PWWP3B: variants seen among roughly 807,000 people sequenced by gnomAD.
The protein encoded by PWWP3B is PWWP domain containing 3B.
A neutral mutation model predicts 15.7 loss-of-function variants in PWWP3B; 5 were observed. The observed-to-expected ratio is 0.32, with a 90% CI of 0.17 to 0.67. PWWP3B has a LOEUF of 0.67. PWWP3B is among the 30% of genes least tolerant of loss of function. The pLI is 0.74. For synonymous variants in PWWP3B, 203 were observed against 179.8 expected, an observed-to-expected ratio of 1.13 and a Z score of -1.03; for missense variants, 519 against 493.1, an observed-to-expected ratio of 1.05 and a Z score of -0.50.
intron 2 of PWWP3B, among the ~76,000 whole-genome samples, chrX:106,190,750 G>A: frequency 8.9e-6 from 1 of 111,911 alleles, no homozygotes; most frequent in Non-Finnish European, 1.9e-5. Context: ...TCCAGTTTCA[G>A]CTTTCTACAT....
At chrX:106,186,554 G>A (rs997059138) in intron 2 of PWWP3B, among the ~76,000 whole-genome samples, 4 of 111,352 alleles carry the variant, frequency 3.6e-5, no homozygotes, top group Admixed American at 1.9e-4. Context: ...TAGTCCCTTC[G>A]TGTTTGCCAA....
intron 2 of PWWP3B, among the ~76,000 whole-genome samples, chrX:106,200,285 C>T (rs1388895952): frequency 9.0e-6 from 1 of 111,154 alleles, no homozygotes; most frequent in Non-Finnish European, 1.9e-5. Context: ...CCTATTTGGC[C>T]ACGTGATGCC....
At chrX:106,184,916 TG>T (rs1221007949) in intron 2 of PWWP3B, among the ~76,000 whole-genome samples, 1 of 110,205 alleles carries the variant, frequency 9.1e-6, no homozygotes. Flanking sequence ...TCCTTCTGGG[TG>T]GGGGAGATTA....
chrX:106,193,060 G>A (rs1602854556), intron 2 of PWWP3B, among the ~76,000 whole-genome samples: 4 of 111,379 alleles, frequency 3.6e-5, no homozygotes, highest in African/African-American at 6.5e-5. Context: ...TATTAGGTCC[G>A]CTTGGTGCAG....
At chrX:106,176,140 CT>C (rs1186522422) in intron 2 of PWWP3B, among the ~76,000 whole-genome samples, 1 of 111,243 alleles carries the variant, frequency 9.0e-6, no homozygotes, top group African/African-American at 3.3e-5. Context: ...GTTGCCCAGG[CT>C]AGAGTGCAGT....
chrX:106,191,112 T>C (rs1922919524), intron 2 of PWWP3B, among the ~76,000 whole-genome samples: 1 of 109,378 alleles, frequency 9.1e-6, no homozygotes, highest in African/African-American at 3.3e-5. Context: ...GGGGATGGCA[T>C]TGAATCTATA....
At chrX:106,194,823 C>T (rs1363633267) in intron 2 of PWWP3B, among the ~76,000 whole-genome samples, 5 of 111,964 alleles carry the variant, frequency 4.5e-5, no homozygotes, top group Non-Finnish European at 7.5e-5. Flanking sequence ...CCCTGTTTGC[C>T]TGGGTATCAG....
intron 2 of PWWP3B, among the ~76,000 whole-genome samples, chrX:106,173,739 A>G (rs1418510078): frequency 4.5e-5 from 5 of 111,935 alleles, no homozygotes; most frequent in Admixed American, 9.5e-5. Flanking sequence ...AACTCTTTTT[A>G]TTATTGTATT....
At chrX:106,194,937 G>A (rs145196868) in intron 2 of PWWP3B, among the ~76,000 whole-genome samples, 1,426 of 111,538 alleles carry the variant, frequency 0.013, 20 homozygotes, top group African/African-American at 0.045. Context: ...CGTATGAGGT[G>A]TCAGTCTGCC....
intron 2 of PWWP3B, among the ~76,000 whole-genome samples, chrX:106,191,748 G>T (rs915900508): frequency 2.7e-5 from 3 of 111,451 alleles, no homozygotes; most frequent in Non-Finnish European, 3.8e-5. Flanking sequence ...TTTTTAGCAT[G>T]AAGGGTTGTT....
chrX:106,179,968 AC>A lies in PWWP3B; in HGVS notation c.-401+8832del, dbSNP rs1392796844. ...CAGCCATCTGCCTGACTCTCACGAA[AC>A]CCTTAAAAACAATCCTTTCCAATGG... On this transcript the variant is annotated intron_variant, in intron 2 of 3. Coordinates refer to ENST00000357175, the MANE Select transcript of PWWP3B (RefSeq NM_001171020.2). 1.1e-3 allele frequency among the ~76,000 whole-genome samples: 122 copies of A among 111,087 alleles called. 1 individual carries two copies. Among genetic ancestry groups the A allele is most frequent in the Non-Finnish European group, 4.0e-4 (21 of 53,023 alleles).
intron 2 of PWWP3B, among the ~76,000 whole-genome samples, chrX:106,186,521 A>G (rs1922519467): frequency 9.0e-6 from 1 of 111,070 alleles, no homozygotes; most frequent in Admixed American, 9.6e-5. Flanking sequence ...GTCCAATGGT[A>G]CTCACCGCTT....
At chrX:106,188,912 C>T (rs1366827996) in intron 2 of PWWP3B, among the ~76,000 whole-genome samples, 1 of 112,266 alleles carries the variant, frequency 8.9e-6, no homozygotes, top group East Asian at 2.8e-4. Flanking sequence ...TATCCAATTA[C>T]CAGTAGATTT....
intron 2 of PWWP3B, among the ~76,000 whole-genome samples, chrX:106,182,780 C>G (rs1350111721): frequency 3.6e-5 from 4 of 111,110 alleles, no homozygotes; most frequent in African/African-American, 1.3e-4. Context: ...TTTGCCATTA[C>G]AAAACCTGGA....
intron 2 of PWWP3B, among the ~76,000 whole-genome samples, chrX:106,203,184 A>T (rs886597767): frequency 2.7e-4 from 30 of 112,115 alleles, no homozygotes; most frequent in African/African-American, 8.4e-4. Flanking sequence ...ACTTCTAGAA[A>T]TACATATAGT....
intron 2 of PWWP3B, among the ~76,000 whole-genome samples, chrX:106,179,634 C>A (rs1922081877): frequency 8.9e-6 from 1 of 111,764 alleles, no homozygotes; most frequent in African/African-American, 3.3e-5. Context: ...AAGTGCCAAG[C>A]AGGGTAAGGG....
chrX:106,198,039 T>C, intron 2 of PWWP3B, among the ~76,000 whole-genome samples: 1 of 112,333 alleles, frequency 8.9e-6, no homozygotes, highest in Middle Eastern at 4.6e-3. Context: ...GACTTGCTTT[T>C]TATATAATGG....
intron 2 of PWWP3B, among the ~76,000 whole-genome samples, chrX:106,186,638 A>G (rs1922529039): frequency 9.0e-6 from 1 of 110,966 alleles, no homozygotes; most frequent in Admixed American, 9.5e-5. Flanking sequence ...ACGGGCCTTC[A>G]TGGTGAGTGT....
intron 2 of PWWP3B, among the ~76,000 whole-genome samples, chrX:106,182,554 C>A (rs1387377327): frequency 9.0e-6 from 1 of 111,478 alleles, no homozygotes; most frequent in African/African-American, 3.3e-5. Flanking sequence ...TTCATTTTCC[C>A]ATACTAATAG....
Sources: gnomAD v4.1 joint callset for allele counts (sites outside exome capture counted in the v4.1 genomes callset) on GRCh38, gnomAD v4.1.1 for gene constraint, MANE v1.5 for transcripts, NCBI Gene and HGNC (gene_info 2026-07-23, HGNC 2026-07-21) for gene names.